Variants in PMM1 observed in about 807,000 individuals in gnomAD.
PMM1 encodes the protein brain glucose-1,6-bisphosphatase.
PMM1 carries 25 observed loss-of-function variants against 34.0 expected under a neutral mutation model. The ratio of observed to expected loss-of-function variants is 0.73; its 90% CI spans 0.54 to 1.03. The LOEUF (loss-of-function observed/expected upper bound fraction) is 1.03. Ranked by LOEUF, PMM1 falls within the 50% of genes least tolerant of loss-of-function variation. The probability of loss-of-function intolerance (pLI) is 0.00; values close to 1 mark genes in which losing one functional copy is unlikely to be tolerated. For missense variants in PMM1, 321 were observed against 350.1 expected, an observed-to-expected ratio of 0.92 and a Z score of 0.66; for synonymous variants, 134 against 143.9, an observed-to-expected ratio of 0.93 and a Z score of 0.49.
At chr22:41,588,517 C>G (rs2067339362) in intron 1 of PMM1, 1 of 387,318 alleles carries the variant, frequency 2.6e-6, no homozygotes, top group Non-Finnish European at 3.5e-6. Flanking sequence ...CTGAACCCAG[C>G]CTAATTTTTG....
At chr22:41,584,223 C>A in intron 4 of PMM1, 58 bp downstream of exon 4, 1 of 1,489,894 alleles carries the variant, frequency 6.7e-7, no homozygotes, top group Non-Finnish European at 9.4e-7. Context: ...CTCTGAGGGA[C>A]CCACACTTCT....
Position 41,589,757 on chromosome 22 carries a change from G to C in PMM1, c.49C>G (p.Leu17Val). The part of the protein sequence containing the change: ...AARRKERVLC[L>V]FDVDGTLTPA... ...GTGAGGGTCCCGTCCACGTCAAACA[G>C]GCAGAGGACGCGCTCCTTCCTGCGG... Residue 17 changes from leucine (L) to valine (V), a missense_variant, in exon 1 of 8, where the codon CTG becomes GTG. Leu to Val is a conservative substitution (Grantham distance 32). Coordinates refer to ENST00000216259, the MANE Select transcript of PMM1 (RefSeq NM_002676.3). 3.1e-6 allele frequency: 5 copies of C among 1,611,924 alleles called. No homozygotes were observed. Among genetic ancestry groups the C allele is most frequent in the Non-Finnish European group, 4.2e-6 (5 of 1,179,568 alleles).
chr22:41,584,399 C>G, intron 3 of PMM1, 27 bp from the exon 4 acceptor site: 3 of 1,607,846 alleles, frequency 1.9e-6, no homozygotes, highest in Non-Finnish European at 2.6e-6. Flanking sequence ...GGGCTCTGAG[C>G]GTGGCCTGGG....
intron 2 of PMM1, chr22:41,584,866 CCTGCCACTCATCCTCCAAGATT>C (rs2067290302): frequency 2.4e-6 from 1 of 421,808 alleles, no homozygotes; most frequent in Non-Finnish European, 4.3e-6. Flanking sequence ...CCCTGGCTTC[CCTGCCACTCATCCTCCAAGATT>C]CAGCTTCCTC....
intron 7 of PMM1, 156 bp downstream of exon 7, chr22:41,577,652 G>A: frequency 1.3e-6 from 1 of 751,088 alleles, no homozygotes; most frequent in Non-Finnish European, 2.2e-6. Flanking sequence ...AACGGGGCTG[G>A]TGAGCAATGG....
chr22:41,589,150 T>G, intron 1 of PMM1: 1 of 1,302,714 alleles, frequency 7.7e-7, no homozygotes, highest in Non-Finnish European at 1.0e-6. Context: ...AAAGAAGCCC[T>G]CTCTGCTCCA....
At chr22:41,582,802 G>A (rs963271614) in intron 5 of PMM1, among the ~76,000 whole-genome samples, 7 of 152,198 alleles carry the variant, frequency 4.6e-5, no homozygotes, top group African/African-American at 1.7e-4. Context: ...GGCCATAGCT[G>A]GAGCAGAGGG....
Position 41,577,854 on chromosome 22 carries a change from T to C in PMM1, c.620A>G (p.Gln207Arg). ...DKRYCLDSLD[Q>R]DSFDTIHFFG... The stretch of plus-strand genomic sequence containing the variant: ...GAAGTGGATGGTGTCGAAGCTGTCC[T>C]GGTCCAGGCTATCCAGGCAGTAGCG... The change falls in exon 7 of 8, where the codon CAG becomes CGG. Residue 207 changes from glutamine to arginine, a missense_variant. Gln to Arg is a conservative substitution (Grantham distance 43). Transcript: ENST00000216259. 6.2e-7 allele frequency: 1 copy of C among 1,613,548 alleles called. No homozygotes were observed. Among genetic ancestry groups the C allele is most frequent in the Non-Finnish European group, 8.5e-7 (1 of 1,179,970 alleles).
At chr22:41,589,073 T>C (rs1301475233) in intron 1 of PMM1, 1 of 1,303,392 alleles carries the variant, frequency 7.7e-7, no homozygotes, top group Admixed American at 2.3e-5. Context: ...CTCAGTGTCC[T>C]CACAGCAAAC....
Position 41,584,574 on chromosome 22 carries a change from C to G in PMM1, c.235G>C (p.Glu79Gln). 6.2e-7 allele frequency: 1 copy of G among 1,613,918 alleles called. No homozygotes were observed. The highest frequency in any genetic ancestry group is 8.5e-7 in the Non-Finnish European group (1 of 1,179,942). ...TGCTTATACTGCACCGTCCCGTTCT[C>G]GGCAAACACATAATCAAACTTCTCA... ...VIEKFDYVFAENGTVQYKHGR... is the reference protein window; with the variant it reads ...VIEKFDYVFAQNGTVQYKHGR... The change falls in exon 3 of 8, where the codon GAG becomes CAG. Residue 79 changes from glutamate (E) to glutamine (Q), a missense_variant. Glu to Gln is a conservative substitution (Grantham distance 29). Transcript: ENST00000216259.
chr22:41,586,342 G>A lies in PMM1; in HGVS notation c.88-149C>T, dbSNP rs373278836. 1.2e-5 allele frequency: 17 copies of A among 1,427,862 alleles called. No homozygotes were observed. The African/African-American group carries it at 1.8e-4, about 15-fold the overall frequency. The allele number at this position is 1,427,862 out of a possible 1,614,324, so 88.4% of individuals were successfully genotyped here. On this transcript the variant is annotated intron_variant, in intron 1 of 7. Coordinates refer to ENST00000216259, the MANE Select transcript of PMM1 (RefSeq NM_002676.3). ...AGCTTAGACACCAAAAATTAGACAG[G>A]TTGGACACTGTGGCTCAGGTCTGCA...
At position 41,581,911 on chromosome 22, in the gene PMM1, C is replaced by T. The variant is rs553671121; in HGVS notation, c.474+2048G>A. ...GAGGCAGAAGAATCGCTTGAACCAG[C>T]GAGTCAGGGGTTCCAGTGAGCCGAG... On this transcript the variant is annotated intron_variant, in intron 5 of 7. Coordinates refer to ENST00000216259, the MANE Select transcript of PMM1 (RefSeq NM_002676.3). Among the ~76,000 whole-genome samples the T allele has an allele frequency of 1.1e-4, 16 of 151,930 alleles. No individual in the cohort carries two copies. The East Asian group carries it at 2.7e-3, about 26-fold the overall frequency.
At chr22:41,589,278 C>A in intron 1 of PMM1, 1 of 476,518 alleles carries the variant, frequency 2.1e-6, no homozygotes, top group Non-Finnish European at 4.1e-6. Flanking sequence ...CAGATGATGA[C>A]TGACGCTTGG....
rs1192267697 is a variant in PMM1 at position 41,584,470 on chromosome 22, G to A, written c.282+57C>T. 3.8e-6 allele frequency: 6 copies of A among 1,574,712 alleles called. No individual in the cohort carries two copies. In the East Asian group the frequency reaches 1.3e-4, roughly 35 times the overall value. ...CCAGCCCAGGACAGAAGCCCCCTTG[G>A]ACTGCTCCACTATGGAAAAGTGGGG... is the stretch of plus-strand genomic sequence containing the variant. On this transcript the variant is annotated intron_variant, in intron 3 of 7. Transcript: ENST00000216259.
Position 41,584,300 on chromosome 22 carries a change from G to A in PMM1, c.355C>T (p.Leu119Phe). 1 of 1,614,118 alleles carries A rather than the reference G, an allele frequency of 6.2e-7. No homozygotes were observed. Among genetic ancestry groups the A allele is most frequent in the Non-Finnish European group, 8.5e-7 (1 of 1,179,994 alleles). The change falls in exon 4 of 8, where the codon CTC becomes TTC. Residue 119 changes from leucine to phenylalanine, a missense_variant. Transcript: ENST00000216259. The part of the protein sequence containing the change: ...INFCLSYMAL[L>F]RLPKKRGTFI... ...CCTCACCGCTTCTTGGGCAGCCTGA[G>A]CAGGGCCATGTAGCTGAGGCAGAAG...
intron 5 of PMM1, among the ~76,000 whole-genome samples, chr22:41,583,221 T>G (rs1021669568): frequency 1.3e-5 from 2 of 152,140 alleles, no homozygotes; most frequent in Non-Finnish European, 2.9e-5. Context: ...GGCTCATGCC[T>G]GTAATCCCAG....
At chr22:41,579,112 G>A (rs919162273) in intron 5 of PMM1, 9 of 522,248 alleles carry the variant, frequency 1.7e-5, no homozygotes, top group African/African-American at 1.5e-4. Flanking sequence ...CAATGGGGCT[G>A]TGGGCTGGGT....
chr22:41,578,018 T>C, intron 6 of PMM1, 95 bp from the exon 7 acceptor site: 1 of 888,084 alleles, frequency 1.1e-6, no homozygotes, highest in Non-Finnish European at 1.8e-6. Context: ...CAACAACCCT[T>C]GAGTGCCTAC....
chr22:41,577,454 A>T lies in PMM1; in HGVS notation c.667-14T>A. The T allele has an allele frequency of 6.2e-7, 1 of 1,607,272 alleles. No homozygotes were observed. The highest frequency in any genetic ancestry group is 1.3e-5 in the African/African-American group (1 of 74,968). On this transcript the variant is annotated splice_polypyrimidine_tract_variant and intron_variant, in intron 7 of 7. Transcript: ENST00000216259. ...GTCGTTCCCACCCTGCACACAGAGGATGGGCAGAGGAGGGATATTTAGGTG... is the reference window on the plus strand; with the variant it reads ...GTCGTTCCCACCCTGCACACAGAGGTTGGGCAGAGGAGGGATATTTAGGTG...
Sources: allele counts gnomAD v4.1 joint callset (sites outside exome capture counted in the v4.1 genomes callset), GRCh38; gene constraint gnomAD v4.1.1; transcripts MANE v1.5; gene names NCBI Gene and HGNC (gene_info 2026-07-23, HGNC 2026-07-21).